The following CEBPZOS variants were observed in gnomAD, a reference collection of about 807,000 sequenced individuals.
The protein encoded by CEBPZOS is CEBPZ opposite strand.
A neutral mutation model predicts 4.8 loss-of-function variants in CEBPZOS; 10 were observed. The ratio of observed to expected loss-of-function variants is 2.07; its 90% CI spans 1.28 to 3.52. CEBPZOS has a LOEUF of 3.52. Ranked by LOEUF, CEBPZOS falls within the 30% of genes most tolerant of loss-of-function variation. The probability of loss-of-function intolerance (pLI) is 0.00; values close to 1 mark genes in which losing one functional copy is unlikely to be tolerated. For synonymous variants in CEBPZOS, 25 were observed against 14.2 expected, an observed-to-expected ratio of 1.77 and a Z score of -1.72; for missense variants, 98 against 43.6, an observed-to-expected ratio of 2.25 and a Z score of -3.51.
At chr2:37,201,565 AGTT>A (rs1677234069) in intron 3 of CEBPZOS, 74 bp from the exon 4 acceptor site, 3 of 643,588 alleles carry the variant, frequency 4.7e-6, no homozygotes, top group Admixed American at 2.9e-5. Context: ...GGAAAAAAGA[AGTT>A]GTTTTTTTCA....
In CEBPZOS at chr2:37,202,786, G is replaced by A; in HGVS notation, c.*926G>A. 6.4e-7 allele frequency: 1 copy of A among 1,551,434 alleles called. No homozygotes were observed. On this transcript the variant is annotated 3_prime_UTR_variant, in exon 5 of 5. Coordinates refer to ENST00000402297, the MANE Select transcript of CEBPZOS (RefSeq NM_001322374.2). ...ATAAAAAAATTTAAGTTACTTACTT[G>A]CATTATCTTTGTTAGCCATGGCATT...
intron 2 of CEBPZOS, 75 bp downstream of exon 2, chr2:37,199,894 A>G (rs984394054): frequency 6.0e-6 from 4 of 665,362 alleles, no homozygotes; most frequent in South Asian, 3.3e-5. Flanking sequence ...TTAAATGGCA[A>G]TGGCATGTTT....
chr2:37,211,865 A>T, intron 4 of CEBPZOS: 2 of 1,605,360 alleles, frequency 1.2e-6, no homozygotes, highest in Non-Finnish European at 1.7e-6. Flanking sequence ...CACTTTCATC[A>T]TCTAACACAT....
At chr2:37,214,318 T>G (rs1417237665), downstream of CEBPZOS, among the ~76,000 whole-genome samples, 1 of 152,126 alleles carries the variant, frequency 6.6e-6, no homozygotes, top group African/African-American at 2.4e-5. Flanking sequence ...GTCAACCAGA[T>G]GAGATAAGAG....
intron 1 of CEBPZOS, 162 bp downstream of exon 1, chr2:37,196,682 G>A (rs1676955688): frequency 6.9e-6 from 1 of 144,266 alleles, no homozygotes; most frequent in South Asian, 2.3e-4. Flanking sequence ...GAGTGTTTCC[G>A]GGTCGCTAGG....
rs1676946239 is a variant in CEBPZOS at position 37,196,536 on chromosome 2, GTGGC to G, written c.-2+18_-2+21del. The G allele has an allele frequency of 2.0e-5, 3 of 152,292 alleles. No individual in the cohort carries two copies. The highest frequency in any genetic ancestry group is 4.4e-5 in the Non-Finnish European group (3 of 68,102). 9.4% of individuals were successfully genotyped at this position (152,292 alleles called of 1,614,324 possible). ...CGCACCTCAGGTAAGACTCTGGCGAGTGGCTTCCCATGGGCGGTCGGATTTCGGG... is the reference window on the plus strand; with the variant it reads ...CGCACCTCAGGTAAGACTCTGGCGAGTTCCCATGGGCGGTCGGATTTCGGG... On this transcript the variant is annotated intron_variant, in intron 1 of 4. Coordinates refer to ENST00000402297, the MANE Select transcript of CEBPZOS (RefSeq NM_001322374.2).
intron 4 of CEBPZOS, among the ~76,000 whole-genome samples, chr2:37,212,868 A>AAAAAAAAAAAC (rs1558471409): frequency 3.0e-5 from 3 of 99,848 alleles, no homozygotes; most frequent in Non-Finnish European, 6.4e-5. Flanking sequence ...CAACAACAAC[A>AAAAAAAAAAAC]AAAAAAAAAA....
At chr2:37,213,105 TGTAA>T (rs1677779907) in intron 4 of CEBPZOS, among the ~76,000 whole-genome samples, 2 of 152,084 alleles carry the variant, frequency 1.3e-5, no homozygotes, top group East Asian at 1.9e-4. Context: ...GTGAAATCAG[TGTAA>T]GTCTTTCCAA....
chr2:37,199,413 A>G (rs563906561), intron 1 of CEBPZOS, among the ~76,000 whole-genome samples: 1 of 152,310 alleles, frequency 6.6e-6, no homozygotes, highest in South Asian at 2.1e-4. Context: ...TTCCTACACA[A>G]TTAAATAATT....
rs1480180797 is a variant in CEBPZOS at position 37,203,955 on chromosome 2, G to C, written c.*2095G>C. The C allele has an allele frequency of 6.6e-6, 1 of 152,074 alleles. No individual in the cohort carries two copies. The highest frequency in any genetic ancestry group is 1.5e-5 in the Non-Finnish European group (1 of 68,010). 9.4% of individuals were successfully genotyped at this position (152,074 alleles called of 1,614,324 possible). A position where few individuals can be genotyped will look rare whatever the true frequency, so the allele number is the denominator to read the frequency against. ...ATCAGTTAATGGACATTTAGGTTTT[G>C]TCTACTTTTTGGCATTAATAGTGCT... On this transcript the variant is annotated 3_prime_UTR_variant, in exon 5 of 5. Transcript: ENST00000402297.
Position 37,199,817 on chromosome 2 carries a change from A to G in CEBPZOS, c.113A>G (p.Gln38Arg), listed in dbSNP as rs960362117. 1 of 717,584 alleles carries G rather than the reference A, an allele frequency of 1.4e-6. No homozygotes were observed. Among genetic ancestry groups the G allele is most frequent in the Admixed American group, 2.0e-5 (1 of 49,976 alleles). The allele number at this position is 717,584 out of a possible 1,614,324, so 44.5% of individuals were successfully genotyped here. ...TTGTTTAGCAAGATGCACACAAGCCAAGGTAATCATAATTCAGAAGTTAAT... is the reference window on the plus strand; with the variant it reads ...TTGTTTAGCAAGATGCACACAAGCCGAGGTAATCATAATTCAGAAGTTAAT... ...YFLFSKMHTSQDFRQTMSKKY... is the reference protein window; with the variant it reads ...YFLFSKMHTSRDFRQTMSKKY... Residue 38 changes from glutamine (Q) to arginine (R), a missense_variant and splice_region_variant, in exon 2 of 5, where the codon CAA becomes CGA. Coordinates refer to ENST00000402297, the MANE Select transcript of CEBPZOS (RefSeq NM_001322374.2).
chr2:37,211,728 A>C (rs754336473), intron 4 of CEBPZOS: 5 of 712,712 alleles, frequency 7.0e-6, no homozygotes, highest in Non-Finnish European at 1.1e-5. Flanking sequence ...TTTCTGGCTG[A>C]CATGAGTATT....
intron 1 of CEBPZOS, among the ~76,000 whole-genome samples, chr2:37,199,387 T>C (rs1193659009): frequency 6.6e-6 from 1 of 152,234 alleles, no homozygotes; most frequent in Non-Finnish European, 1.5e-5. Context: ...TAAAAAATTA[T>C]CTTCCCCATT....
chr2:37,200,994 AAT>A, intron 2 of CEBPZOS, 52 bp from the exon 3 acceptor site: 2 of 709,002 alleles, frequency 2.8e-6, no homozygotes, highest in Non-Finnish European at 5.2e-6. Flanking sequence ...TGGCTGTGTT[AAT>A]ATAATGAATT....
chr2:37,212,200 A>G (rs1677742345), intron 4 of CEBPZOS: 2 of 982,124 alleles, frequency 2.0e-6, no homozygotes, highest in African/African-American at 1.6e-5. Context: ...TCAAAGATGA[A>G]AGTACTGTAT....
downstream of CEBPZOS, among the ~76,000 whole-genome samples, chr2:37,214,437 C>T (rs985282212): frequency 6.6e-6 from 1 of 152,042 alleles, no homozygotes; most frequent in African/African-American, 2.4e-5. Flanking sequence ...ATAAATTACC[C>T]ATGAGTTATC....
downstream of CEBPZOS, chr2:37,216,180 C>T (rs367592440): frequency 9.7e-5 from 156 of 1,612,970 alleles, no homozygotes; most frequent in Non-Finnish European, 1.2e-4. Flanking sequence ...GTTTTCTTTT[C>T]GGCTGCATCA....
chr2:37,212,328 A>G (rs1028269706), intron 4 of CEBPZOS: 1 of 1,611,660 alleles, frequency 6.2e-7, no homozygotes, highest in Non-Finnish European at 8.5e-7. Context: ...AGATAGAAGT[A>G]TGTTACCCAG....
chr2:37,200,783 C>T (rs1244612732), intron 2 of CEBPZOS, among the ~76,000 whole-genome samples: 4 of 152,152 alleles, frequency 2.6e-5, no homozygotes, highest in African/African-American at 2.4e-5. Context: ...ACGTAGGAGG[C>T]TCGCTTGAGC....
Sources: gnomAD v4.1 joint callset for allele counts (sites outside exome capture counted in the v4.1 genomes callset) on GRCh38, gnomAD v4.1.1 for gene constraint, MANE v1.5 for transcripts, NCBI Gene and HGNC (gene_info 2026-07-23, HGNC 2026-07-21) for gene names.